The following XPO5 variants were observed in gnomAD, a reference collection of about 807,000 sequenced individuals.
XPO5 encodes exportin-5.
A neutral mutation model predicts 160.6 loss-of-function variants in XPO5; 46 were observed. That is an observed-to-expected ratio of 0.29 (90% CI 0.23 to 0.37). The LOEUF is 0.37. XPO5 is among the 10% of genes least tolerant of loss of function. The pLI is 1.00. For missense variants in XPO5, 1,090 were observed against 1,463.9 expected, an observed-to-expected ratio of 0.74 and a Z score of 4.17; for synonymous variants, 537 against 519.3, an observed-to-expected ratio of 1.03 and a Z score of -0.46.
intron 23 of XPO5, chr6:43,529,626 A>C (rs577339860): frequency 6.0e-6 from 1 of 168,006 alleles, no homozygotes; most frequent in African/African-American, 2.4e-5. Context: ...TGAAGTGTTA[A>C]AACTGCTGCT....
Position 43,563,528 on chromosome 6 carries a change from T to C in XPO5, c.912-1182A>G, listed in dbSNP as rs1488538897. ...ACGACTGGGGATGTGTACTGAGAAA[T>C]GCATCGTTAAGTGATTTTATCACCA... On this transcript the variant is annotated intron_variant, in intron 8 of 31. Coordinates refer to ENST00000265351, the MANE Select transcript of XPO5 (RefSeq NM_020750.3). Among the ~76,000 whole-genome samples the C allele has an allele frequency of 5.3e-5, 8 of 152,308 alleles. No homozygotes were observed. The East Asian group carries it at 1.2e-3, about 22-fold the overall frequency.
chr6:43,573,343 G>A lies in XPO5; in HGVS notation c.227+137C>T, dbSNP rs541391556. On this transcript the variant is annotated intron_variant, in intron 2 of 31. Coordinates refer to ENST00000265351, the MANE Select transcript of XPO5 (RefSeq NM_020750.3). Reference sequence around the variant, plus strand: ...TGAATGAGAGCTCCTGTGAGGTTCTGATAACATCTAGGGGATCATTCCTCT... The same window carrying A: ...TGAATGAGAGCTCCTGTGAGGTTCTAATAACATCTAGGGGATCATTCCTCT... The A allele has an allele frequency of 1.9e-4, 223 of 1,182,222 alleles. No individual in the cohort carries two copies. In the African/African-American group the frequency reaches 3.2e-3, roughly 17 times the overall value. The allele number at this position is 1,182,222 out of a possible 1,614,324, so 73.2% of individuals were successfully genotyped here.
chr6:43,575,963 G>A lies in XPO5; in HGVS notation c.-99C>T. ...GACCACCCGTTGGTACCGGGCCGCG[G>A]CGGGCGGCGGGGGTGGGAAGCTGGA... On this transcript the variant is annotated 5_prime_UTR_variant, in exon 1 of 32. Transcript: ENST00000265351. 8.2e-7 allele frequency: 1 copy of A among 1,226,548 alleles called. No individual in the cohort carries two copies. The highest frequency in any genetic ancestry group is 1.2e-6 in the Non-Finnish European group (1 of 865,214). 76.0% of individuals were successfully genotyped at this position (1,226,548 alleles called of 1,614,324 possible).
chr6:43,562,768 G>A (rs1762478090), intron 8 of XPO5, among the ~76,000 whole-genome samples: 1 of 152,108 alleles, frequency 6.6e-6, no homozygotes. Flanking sequence ...GTTGTGGTAT[G>A]GCACCCACAG....
At chr6:43,557,597 G>A (rs1762167073) in intron 12 of XPO5, among the ~76,000 whole-genome samples, 1 of 152,068 alleles carries the variant, frequency 6.6e-6, no homozygotes, top group African/African-American at 2.4e-5. Flanking sequence ...CTAGGACTGG[G>A]AGAGATGAGG....
intron 1 of XPO5, among the ~76,000 whole-genome samples, chr6:43,574,129 C>T (rs563618581): frequency 5.4e-4 from 82 of 151,882 alleles, no homozygotes; most frequent in African/African-American, 1.8e-3. Context: ...TGTGCCCGGC[C>T]CACTAAAAAT....
intron 20 of XPO5, among the ~76,000 whole-genome samples, chr6:43,535,992 G>A (rs538057908): frequency 6.6e-6 from 1 of 150,384 alleles, no homozygotes; most frequent in South Asian, 2.1e-4. Context: ...GTATGGCGGT[G>A]CATGCCTGTA....
intron 13 of XPO5, 155 bp from the exon 14 acceptor site, chr6:43,553,658 G>A: frequency 5.0e-6 from 7 of 1,388,640 alleles, no homozygotes; most frequent in Admixed American, 6.0e-5. Context: ...CCTCTCAGCT[G>A]GGGCAAAGAA....
chr6:43,575,869 A>C lies in XPO5; in HGVS notation c.-5T>G, dbSNP rs767010581. 3.1e-6 allele frequency: 5 copies of C among 1,613,386 alleles called. No homozygotes were observed. Among genetic ancestry groups the C allele is most frequent in the Non-Finnish European group, 4.2e-6 (5 of 1,179,624 alleles). The stretch of plus-strand genomic sequence containing the variant: ...GTTTACTTGATCCATCGCCATGCCT[A>C]GCGCCACGCGCCGAGAGCGCACACC... On this transcript the variant is annotated 5_prime_UTR_variant, in exon 1 of 32. Transcript: ENST00000265351.
rs1479829807 is a variant in XPO5, at chr6:43,528,840, G to A, written c.2763C>T (p.Thr921=). 1 of 1,613,794 alleles carries A rather than the reference G, an allele frequency of 6.2e-7. No homozygotes were observed. The highest frequency in any genetic ancestry group is 1.7e-5 in the Admixed American group (1 of 59,996). The change falls in exon 24 of 32, where the codon ACC becomes ACT. Residue 921 remains threonine, a synonymous_variant. Transcript: ENST00000265351. The part of the protein sequence containing the change: ...LVSPILGPLF[T]YLHMRLSQKW... Reference sequence around the variant, plus strand: ...ACTTATCTCTTACCATATGGAGGTAGGTGAAAAGAGGTCCGAGGATGGGGG... The same window carrying A: ...ACTTATCTCTTACCATATGGAGGTAAGTGAAAAGAGGTCCGAGGATGGGGG...
intron 22 of XPO5, among the ~76,000 whole-genome samples, chr6:43,531,036 G>T (rs921650183): frequency 1.3e-5 from 2 of 152,202 alleles, no homozygotes; most frequent in African/African-American, 4.8e-5. Context: ...TATTTAATGT[G>T]GACTTACAAT....
chr6:43,528,727 C>G, intron 24 of XPO5, 101 bp downstream of exon 24: 1 of 1,133,662 alleles, frequency 8.8e-7, no homozygotes, highest in Non-Finnish European at 1.3e-6. Flanking sequence ...TCTGGCAGGG[C>G]TAGTAGACAA....
chr6:43,549,994 C>T, intron 15 of XPO5, 60 bp from the exon 16 acceptor site: 1 of 1,557,834 alleles, frequency 6.4e-7, no homozygotes, highest in Non-Finnish European at 8.8e-7. Flanking sequence ...TGAGATCTTG[C>T]TATGTTGCCC....
chr6:43,566,890 A>C (rs1244662071), intron 7 of XPO5, among the ~76,000 whole-genome samples: 1 of 151,686 alleles, frequency 6.6e-6, no homozygotes, highest in African/African-American at 2.4e-5. Flanking sequence ...TCATTAAGTG[A>C]GCTTTAAACT....
chr6:43,556,588 C>T (rs1219043251), intron 12 of XPO5, among the ~76,000 whole-genome samples: 1 of 151,672 alleles, frequency 6.6e-6, no homozygotes, highest in Non-Finnish European at 1.5e-5. Flanking sequence ...AATGGTGCAG[C>T]TGCTGTGGAA....
At chr6:43,538,137 ATCTT>A (rs1794460980) in intron 20 of XPO5, among the ~76,000 whole-genome samples, 1 of 105,634 alleles carries the variant, frequency 9.5e-6, no homozygotes, top group Non-Finnish European at 1.8e-5. Flanking sequence ...CCTAAGAGAC[ATCTT>A]TTTTTTTTTT....
chr6:43,531,165 T>A (rs576805521), intron 22 of XPO5, among the ~76,000 whole-genome samples: 1 of 152,326 alleles, frequency 6.6e-6, no homozygotes, highest in South Asian at 2.1e-4. Context: ...ATGAGAAGTA[T>A]GCCGCAAGCA....
intron 17 of XPO5, among the ~76,000 whole-genome samples, chr6:43,549,284 G>A (rs1181309682): frequency 6.6e-6 from 1 of 152,076 alleles, no homozygotes; most frequent in East Asian, 1.9e-4. Context: ...GGCTGGTCCC[G>A]AACCCCTGGC....
chr6:43,553,760 T>C (rs1761855535), intron 13 of XPO5: 1 of 524,934 alleles, frequency 1.9e-6, no homozygotes, highest in African/African-American at 1.9e-5. Flanking sequence ...TTCACCTCTA[T>C]GAGCCTTGTA....
Sources: gnomAD v4.1 joint callset for allele counts (sites outside exome capture counted in the v4.1 genomes callset) on GRCh38, gnomAD v4.1.1 for gene constraint, MANE v1.5 for transcripts, NCBI Gene and HGNC (gene_info 2026-07-23, HGNC 2026-07-21) for gene names.